BTBD7: variants seen among roughly 807,000 people sequenced by gnomAD.
The protein encoded by BTBD7 is BTB domain containing 7.
Under a neutral mutation model 99.9 loss-of-function variants are expected in BTBD7, and 38 were observed. The ratio of observed to expected loss-of-function variants is 0.38; its 90% CI spans 0.29 to 0.50. The LOEUF (loss-of-function observed/expected upper bound fraction) is 0.50. BTBD7 is among the 20% of genes least tolerant of loss of function. The probability of loss-of-function intolerance (pLI) is 0.93; values close to 1 mark genes in which losing one functional copy is unlikely to be tolerated. For missense variants in BTBD7, 1,170 were observed against 1,394.6 expected, an observed-to-expected ratio of 0.84 and a Z score of 2.57; for synonymous variants, 520 against 511.4, an observed-to-expected ratio of 1.02 and a Z score of -0.23.
chr14:93,251,363 G>A (rs1477780350), intron 8 of BTBD7, 100 bp downstream of exon 8: 2 of 1,226,648 alleles, frequency 1.6e-6, no homozygotes, highest in Admixed American at 4.8e-5. Context: ...GTATTGAAAT[G>A]TGGAGAGAAT....
chr14:93,264,342 G>A (rs1309486941), intron 3 of BTBD7, among the ~76,000 whole-genome samples: 1 of 152,218 alleles, frequency 6.6e-6, no homozygotes, highest in African/African-American at 2.4e-5. Context: ...TGCAGTGGTG[G>A]AAACTGGCTA....
intron 3 of BTBD7, among the ~76,000 whole-genome samples, chr14:93,271,447 G>A (rs1032557834): frequency 6.6e-6 from 1 of 152,208 alleles, no homozygotes; most frequent in Non-Finnish European, 1.5e-5. Context: ...AAGATCGTAA[G>A]TTTAGAGGAG....
At chr14:93,281,016 T>C (rs1476953837) in intron 3 of BTBD7, among the ~76,000 whole-genome samples, 2 of 151,994 alleles carry the variant, frequency 1.3e-5, no homozygotes, top group Non-Finnish European at 2.9e-5. Flanking sequence ...TTTTGTTCTG[T>C]TTTTGAGACA....
At position 93,294,548 on chromosome 14, in the gene BTBD7, C is replaced by A. The variant is rs780728207; in HGVS notation, c.472G>T (p.Ala158Ser). The change falls in exon 3 of 11, where the codon GCC (alanine) becomes TCC (serine). Residue 158 changes from alanine (A) to serine (S), a missense_variant. Coordinates refer to ENST00000334746, the MANE Select transcript of BTBD7 (RefSeq NM_001002860.4). ...AATGGACACCTTGCTGCCAAAATGG[C>A]ACGATGAACAGGAAAACAAGTTTCT... ...FQETCFPVHRAILAARCPFFK... is the reference protein window; with the variant it reads ...FQETCFPVHRSILAARCPFFK... 6.2e-7 allele frequency: 1 copy of A among 1,613,846 alleles called. No homozygotes were observed. The highest frequency in any genetic ancestry group is 1.1e-5 in the South Asian group (1 of 91,038).
intron 3 of BTBD7, among the ~76,000 whole-genome samples, chr14:93,290,744 G>A (rs1038200563): frequency 6.6e-6 from 1 of 151,756 alleles, no homozygotes; most frequent in Admixed American, 6.6e-5. Flanking sequence ...AGGCTGGTGT[G>A]CAGTGGTGCG....
chr14:93,283,448 T>C (rs1325627528), intron 3 of BTBD7, among the ~76,000 whole-genome samples: 2 of 152,210 alleles, frequency 1.3e-5, no homozygotes, highest in African/African-American at 4.8e-5. Flanking sequence ...TAACAGTGCA[T>C]ATTTTAGAGA....
chr14:93,246,000 T>C lies in BTBD7; in HGVS notation c.2408A>G (p.His803Arg). Residue 803 changes from histidine to arginine, a missense_variant, in exon 10 of 11, where the codon CAC (histidine) becomes CGC (arginine). Physicochemically the swap from His to Arg is conservative, Grantham distance 29. Coordinates refer to ENST00000334746, the MANE Select transcript of BTBD7 (RefSeq NM_001002860.4). ...GCCAGCTTTAGGAGCTGTTCTGGAG[T>C]GGAACAGCGAATGATTACAGGGATA... ...FSYPCNHSLF[H>R]SRTAPKAGPP... is the part of the protein sequence containing the mutation. 6.2e-7 allele frequency: 1 copy of C among 1,613,182 alleles called. No individual in the cohort carries two copies. Among genetic ancestry groups the C allele is most frequent in the Non-Finnish European group, 8.5e-7 (1 of 1,179,882 alleles).
intron 3 of BTBD7, among the ~76,000 whole-genome samples, chr14:93,279,600 T>A (rs1187510992): frequency 6.6e-6 from 1 of 152,108 alleles, no homozygotes; most frequent in Non-Finnish European, 1.5e-5. Flanking sequence ...CAGGCTGGAG[T>A]GCAGTGGCGT....
At chr14:93,314,868 G>T in intron 1 of BTBD7, among the ~76,000 whole-genome samples, 1 of 152,056 alleles carries the variant, frequency 6.6e-6, no homozygotes, top group Non-Finnish European at 1.5e-5. Context: ...TTAATAAACT[G>T]ATATTCATTA....
Position 93,242,561 on chromosome 14 carries a change from TG to T in BTBD7, c.3110del (p.Ser1037Ter). 1 of 1,614,252 alleles carries T rather than the reference TG, an allele frequency of 6.2e-7. No homozygotes were observed. The highest frequency in any genetic ancestry group is 8.5e-7 in the Non-Finnish European group (1 of 1,180,058). ...LDVVEQPPQR[S>X]DFPLAAPENA... is the part of the protein sequence containing the mutation. ...TTTCTGGGGCTGCCAAAGGAAAGTC[TG>T]ACCGCTGGGGAGGTTGCTCAACGAC... On this transcript the variant is annotated frameshift_variant, in exon 11 of 11. Coordinates refer to ENST00000334746, the MANE Select transcript of BTBD7 (RefSeq NM_001002860.4). LOFTEE classifies it high-confidence loss of function.
At chr14:93,298,826 T>C (rs2052959985) in intron 1 of BTBD7, among the ~76,000 whole-genome samples, 1 of 152,188 alleles carries the variant, frequency 6.6e-6, no homozygotes, top group Admixed American at 6.5e-5. Flanking sequence ...ATGGCCCCAC[T>C]GGAGAAACAA....
chr14:93,299,203 G>T (rs2052964164), intron 1 of BTBD7, among the ~76,000 whole-genome samples: 1 of 152,176 alleles, frequency 6.6e-6, no homozygotes, highest in African/African-American at 2.4e-5. Flanking sequence ...CCTGACTACA[G>T]TTCTAGTACT....
chr14:93,320,745 C>CTTT (rs10695970), intron 1 of BTBD7, among the ~76,000 whole-genome samples: 6 of 149,054 alleles, frequency 4.0e-5, no homozygotes, highest in Admixed American at 1.3e-4. Flanking sequence ...AGATAAACCA[C>CTTT]TTTTTTTTTT....
chr14:93,328,637 G>T (rs2053361603), intron 1 of BTBD7, among the ~76,000 whole-genome samples: 1 of 113,910 alleles, frequency 8.8e-6, no homozygotes, highest in Non-Finnish European at 1.9e-5. Flanking sequence ...AAAAAAAAAA[G>T]GCTGGGCACA....
intron 3 of BTBD7, among the ~76,000 whole-genome samples, chr14:93,270,616 A>G (rs1040282276): frequency 1.3e-5 from 2 of 151,888 alleles, no homozygotes; most frequent in South Asian, 4.2e-4. Context: ...AATCACTTGA[A>G]TCCAGGAGGC....
chr14:93,244,961 G>C (rs2052286930), intron 10 of BTBD7, among the ~76,000 whole-genome samples: 1 of 147,310 alleles, frequency 6.8e-6, no homozygotes, highest in South Asian at 2.1e-4. Context: ...CCAGGCTCAA[G>C]TGATTGTCCC....
At chr14:93,257,460 T>G (rs12147676) in intron 5 of BTBD7, 105 bp from the exon 6 acceptor site, 78,218 of 1,001,296 alleles carry the variant, frequency 0.078, 3,456 homozygotes, top group Middle Eastern at 0.093. Flanking sequence ...TATAGACTTA[T>G]GTGCCTCTGC....
At position 93,280,769 on chromosome 14, in the gene BTBD7, C is replaced by T. The variant is rs112742185; in HGVS notation, c.1162+13089G>A. ...CAATTTCTGGACAGTTTATATTCAC[C>T]GAGTGTTTTAGCAGTCCCATCATAT... On this transcript the variant is annotated intron_variant, in intron 3 of 10. Coordinates refer to ENST00000334746, the MANE Select transcript of BTBD7 (RefSeq NM_001002860.4). Among the ~76,000 whole-genome samples, 1,401 of 151,946 alleles carry T rather than the reference C, an allele frequency of 9.2e-3. 24 individuals are homozygous for T. Among genetic ancestry groups the T allele is most frequent in the African/African-American group, 0.032 (1,319 of 41,426 alleles).
intron 1 of BTBD7, among the ~76,000 whole-genome samples, chr14:93,330,521 T>C (rs912342219): frequency 6.6e-6 from 1 of 152,226 alleles, no homozygotes; most frequent in Non-Finnish European, 1.5e-5. Context: ...TTCTTTGCAT[T>C]AGTAGAACTC....
Sources: allele counts gnomAD v4.1 joint callset (sites outside exome capture counted in the v4.1 genomes callset), GRCh38; gene constraint gnomAD v4.1.1; transcripts MANE v1.5; gene names NCBI Gene and HGNC (gene_info 2026-07-23, HGNC 2026-07-21).